The following TBX5 variants were observed in gnomAD, a reference collection of about 807,000 sequenced individuals.
The protein encoded by TBX5 is T-box transcription factor 5.
Under a neutral mutation model 51.1 loss-of-function variants are expected in TBX5, and 8 were observed. The ratio of observed to expected loss-of-function variants is 0.16; its 90% CI spans 0.09 to 0.28. The LOEUF (loss-of-function observed/expected upper bound fraction) is 0.28, where lower values mean the gene tolerates loss of function less well. Among genes scored for constraint, TBX5 ranks in the 10% least tolerant of loss-of-function variants. TBX5 has a pLI of 1.00. For missense variants in TBX5, 589 were observed against 671.7 expected (o/e 0.88, Z 1.36); for synonymous variants, 302 against 266.4 (o/e 1.13, Z -1.30).
chr12:114,361,864 T>C (rs535458006), intron 8 of TBX5, among the ~76,000 whole-genome samples: 2 of 152,244 alleles, frequency 1.3e-5, no homozygotes, highest in Admixed American at 1.3e-4. Context: ...ATGTTCCCTG[T>C]CACTGGGAGC....
chr12:114,366,294 A>G lies in TBX5; in HGVS notation c.853T>C (p.Ser285Pro), dbSNP rs1302567204. Residue 285 changes from serine (S) to proline (P), a missense_variant, in exon 8 of 9, where the codon TCC becomes CCC. By Grantham distance (74) the Ser-to-Pro change is moderately conservative. Transcript: ENST00000405440. ...CACTGGTATTGGGACCCCAAATTGG[A>G]TGAGGTGGAGAGAGCTCGAGACTCG... ...SSESRALSTS[S>P]NLGSQYQCEN... The G allele has an allele frequency of 3.7e-6, 6 of 1,614,062 alleles. No homozygotes were observed. Among genetic ancestry groups the G allele is most frequent in the South Asian group, 1.1e-5 (1 of 91,070 alleles).
At chr12:114,399,444 C>G in intron 4 of TBX5, 69 bp downstream of exon 4, 1 of 1,587,938 alleles carries the variant, frequency 6.3e-7, no homozygotes, top group South Asian at 1.1e-5. Flanking sequence ...ACTGATACAA[C>G]TTTTCAACTT....
rs1870401587 is a variant in TBX5, at chr12:114,379,694, G to A, written c.755+5782C>T. Among the ~76,000 whole-genome samples, 3 of 152,220 alleles carry A rather than the reference G, an allele frequency of 2.0e-5. No individual in the cohort carries two copies. In the South Asian group the frequency reaches 6.2e-4, roughly 32 times the overall value. On this transcript the variant is annotated intron_variant, in intron 7 of 8. Transcript: ENST00000405440. The stretch of plus-strand genomic sequence containing the variant: ...GGTCGAGTAGAAAAGCCCTGGAGCT[G>A]CTCAGCGCGGCAGCCTGGACCCCAG...
At chr12:114,388,053 TGTCCA>T (rs1388592681) in intron 6 of TBX5, among the ~76,000 whole-genome samples, 6 of 152,188 alleles carry the variant, frequency 3.9e-5, no homozygotes, top group Admixed American at 1.3e-4. Context: ...TTTGCCATGT[TGTCCA>T]GGCTGGTCTG....
intron 7 of TBX5, among the ~76,000 whole-genome samples, chr12:114,377,262 T>A (rs1348266210): frequency 6.6e-6 from 1 of 152,194 alleles, no homozygotes; most frequent in Non-Finnish European, 1.5e-5. Context: ...GCCTTCAGTT[T>A]GAAAAATGAT....
At chr12:114,406,681 C>T (rs1199786544), upstream of TBX5, among the ~76,000 whole-genome samples, 1 of 152,120 alleles carries the variant, frequency 6.6e-6, no homozygotes, top group East Asian at 1.9e-4. Flanking sequence ...GCTAAGAAAT[C>T]GCTGCGGGCC....
chr12:114,376,935 G>A (rs1281644632), intron 7 of TBX5, among the ~76,000 whole-genome samples: 1 of 152,014 alleles, frequency 6.6e-6, no homozygotes, highest in African/African-American at 2.4e-5. Flanking sequence ...GGGAAAGTGG[G>A]AATGTGGCGG....
chr12:114,356,990 C>CAATG (rs367747263), intron 8 of TBX5, among the ~76,000 whole-genome samples: 1 of 143,202 alleles, frequency 7.0e-6, no homozygotes, highest in African/African-American at 2.5e-5. Flanking sequence ...AATATTTGTA[C>CAATG]GATGGATGGA....
Position 114,385,483 on chromosome 12 carries a change from T to C in TBX5, c.748A>G (p.Met250Val). 6.2e-7 allele frequency: 1 copy of C among 1,614,134 alleles called. No individual in the cohort carries two copies. The highest frequency in any genetic ancestry group is 1.1e-5 in the South Asian group (1 of 91,090). ...AGGAATCCACTTTCCTACCTTTGCATTCTTGACATTCTGTGCAGCTCCATG... is the reference window on the plus strand; with the variant it reads ...AGGAATCCACTTTCCTACCTTTGCACTCTTGACATTCTGTGCAGCTCCATG... Reference protein sequence around the residue: ...DDMELHRMSRMQSKEYPVVPR... With the variant: ...DDMELHRMSRVQSKEYPVVPR... The change falls in exon 7 of 9, where the codon ATG becomes GTG. Residue 250 changes from methionine (M) to valine (V), a missense_variant. This residue lies in a region of TBX5 where 348 missense variants were observed against 360.4 expected (regional missense o/e 0.97). Transcript: ENST00000405440.
chr12:114,379,875 G>A (rs1870411853), intron 7 of TBX5, among the ~76,000 whole-genome samples: 1 of 152,154 alleles, frequency 6.6e-6, no homozygotes, highest in South Asian at 2.1e-4. Context: ...GAGTCTCTGG[G>A]CCTCAGTTTC....
Position 114,394,851 on chromosome 12 carries a change from T to C in TBX5, c.553A>G (p.Ile185Val), listed in dbSNP as rs1230417683. ...SMHKYQPRLH[I>V]VKADENNGFG... is the part of the protein sequence containing the mutation. ...CCATTATTTTCATCCGCTTTCACGA[T>C]GTGTAATCTAGGCTGGTATTTGTGC... The change falls in exon 6 of 9, where the codon ATC (isoleucine) becomes GTC (valine). Residue 185 changes from isoleucine (I) to valine (V), a missense_variant. Transcript: ENST00000405440. 1 of 1,614,162 alleles carries C rather than the reference T, an allele frequency of 6.2e-7. No individual in the cohort carries two copies. The highest frequency in any genetic ancestry group is 1.7e-5 in the Admixed American group (1 of 60,022).
chr12:114,390,151 C>T (rs551636840), intron 6 of TBX5, among the ~76,000 whole-genome samples: 2 of 152,316 alleles, frequency 1.3e-5, no homozygotes, highest in South Asian at 4.1e-4. Flanking sequence ...TTGATCTTTA[C>T]ACGTAACTTC....
At chr12:114,388,667 A>C (rs1255748986) in intron 6 of TBX5, among the ~76,000 whole-genome samples, 2 of 124,426 alleles carry the variant, frequency 1.6e-5, no homozygotes, top group Non-Finnish European at 3.3e-5. Context: ...AAATATTTTT[A>C]AAGTATCCGT....
intron 8 of TBX5, among the ~76,000 whole-genome samples, chr12:114,364,867 T>C (rs2136371473): frequency 6.6e-6 from 1 of 152,252 alleles, no homozygotes; most frequent in East Asian, 1.9e-4. Flanking sequence ...GGAGCAGAGA[T>C]GAGATTCAAA....
intron 7 of TBX5, among the ~76,000 whole-genome samples, chr12:114,370,269 A>AAAAGAAAAGAAAAC (rs1869793376): frequency 7.1e-5 from 5 of 70,568 alleles, no homozygotes; most frequent in Non-Finnish European, 1.9e-4. Flanking sequence ...AAAAGAAAAG[A>AAAAGAAAAGAAAAC]AAAGAAAAGA....
upstream of TBX5, chr12:114,407,840 A>G: frequency 1.0e-6 from 1 of 985,386 alleles, no homozygotes; most frequent in Non-Finnish European, 1.2e-6. Flanking sequence ...TCTTCTTTGG[A>G]GCGCAAAAGC....
In TBX5 at chr12:114,405,538, C is replaced by T. The variant is rs149450392; in HGVS notation, c.-39+90G>A. On this transcript the variant is annotated intron_variant, in intron 1 of 8. Coordinates refer to ENST00000405440, the MANE Select transcript of TBX5 (RefSeq NM_181486.4). ...AGCTGTGCTCTGCAGAATGCAAAGC[C>T]GGGCTGGAATCCGCCATTCCCGCCG... 7.8e-4 allele frequency: 163 copies of T among 208,156 alleles called. 1 individual carries two copies. Among genetic ancestry groups the T allele is most frequent in the Non-Finnish European group, 1.2e-3 (147 of 119,334 alleles). 12.9% of individuals were successfully genotyped at this position (208,156 alleles called of 1,614,324 possible). A position where few individuals can be genotyped will look rare whatever the true frequency, so the allele number is the denominator to read the frequency against.
chr12:114,371,386 C>A (rs1361799638), intron 7 of TBX5, among the ~76,000 whole-genome samples: 3 of 152,050 alleles, frequency 2.0e-5, no homozygotes, highest in African/African-American at 4.8e-5. Flanking sequence ...TCCACGTGAG[C>A]GAGTGCAATG....
chr12:114,361,510 T>C (rs1703133613), intron 8 of TBX5, among the ~76,000 whole-genome samples: 1 of 152,036 alleles, frequency 6.6e-6, no homozygotes, highest in African/African-American at 2.4e-5. Flanking sequence ...TTTGATTGAG[T>C]GGCATTGATA....
Sources: allele counts gnomAD v4.1 joint callset (sites outside exome capture counted in the v4.1 genomes callset), GRCh38; gene constraint gnomAD v4.1.1; regional missense constraint gnomAD v4.1.1; transcripts MANE v1.5; gene names NCBI Gene and HGNC (gene_info 2026-07-23, HGNC 2026-07-21).